PLXNA2: variants seen among roughly 807,000 people sequenced by gnomAD.
The protein encoded by PLXNA2 is plexin-A2.
Under a neutral mutation model 193.5 loss-of-function variants are expected in PLXNA2, and 91 were observed. That is an observed-to-expected ratio of 0.47 (90% CI 0.40 to 0.56). The LOEUF is 0.56. Among genes scored for constraint, PLXNA2 ranks in the 20% least tolerant of loss-of-function variants. The probability of loss-of-function intolerance (pLI) is 0.00; values close to 1 mark genes in which losing one functional copy is unlikely to be tolerated. For synonymous variants in PLXNA2, 997 were observed against 1,027.3 expected (o/e 0.97, Z 0.56); for missense variants, 1,995 against 2,503.2 (o/e 0.80, Z 4.33).
intron 4 of PLXNA2, among the ~76,000 whole-genome samples, chr1:208,127,476 C>T (rs576131845): frequency 1.3e-5 from 2 of 152,330 alleles, no homozygotes; most frequent in East Asian, 1.9e-4. Context: ...CTCCTTGTCA[C>T]CACTACAATT....
rs756656717 is a variant in PLXNA2, at chr1:208,045,029, G to T, written c.3639+38C>A. On this transcript the variant is annotated intron_variant, in intron 19 of 31. Transcript: ENST00000367033. ...AGGACAGATCACACATGCACCACGA[G>T]GCGGGAAGGAGGCATTACAGACGCA... The T allele has an allele frequency of 1.5e-5, 24 of 1,612,948 alleles. No individual in the cohort carries two copies. The South Asian group carries it at 2.4e-4, about 16-fold the overall frequency.
At chr1:208,150,617 G>A (rs1395199548) in intron 3 of PLXNA2, among the ~76,000 whole-genome samples, 5 of 152,110 alleles carry the variant, frequency 3.3e-5, no homozygotes, top group Admixed American at 1.3e-4. Flanking sequence ...GAGGATCTCC[G>A]GAGACCAGTT....
intron 3 of PLXNA2, among the ~76,000 whole-genome samples, chr1:208,189,493 C>T (rs1670108276): frequency 6.8e-6 from 1 of 146,716 alleles, no homozygotes; most frequent in South Asian, 2.2e-4. Flanking sequence ...CTTTGAGCTC[C>T]TGAGAAGAGA....
In PLXNA2 at chr1:208,028,099, G is replaced by A. The variant is rs756461059; in HGVS notation, c.5499C>T (p.Leu1833=). ...AISDQDMNAY[L]AEQSRLHAVE... ...CGGCGTGCAGGCGGGACTGCTCGGC[G>A]AGGTAGGCATTCATGTCCTGGTCAC... is the stretch of plus-strand genomic sequence containing the variant. Residue 1833 remains leucine (L), a synonymous_variant, in exon 31 of 32, where the codon CTC becomes CTT. Coordinates refer to ENST00000367033, the MANE Select transcript of PLXNA2 (RefSeq NM_025179.4). This position sits in a 1 kb window ranked among gnomAD's most constrained non-coding sequence, Gnocchi z 4.2. The A allele has an allele frequency of 8.7e-6, 14 of 1,613,524 alleles. No individual in the cohort carries two copies. The East Asian group carries it at 2.5e-4, about 28-fold the overall frequency.
At chr1:208,171,915 G>T (rs1571994807) in intron 3 of PLXNA2, among the ~76,000 whole-genome samples, 2 of 151,184 alleles carry the variant, frequency 1.3e-5, no homozygotes, top group South Asian at 4.2e-4. Context: ...TATGTGGTGA[G>T]AATTAATTTA....
intron 3 of PLXNA2, among the ~76,000 whole-genome samples, chr1:208,200,217 CT>C: frequency 6.6e-6 from 1 of 152,296 alleles, no homozygotes; most frequent in Non-Finnish European, 1.5e-5. Flanking sequence ...GCCTAGAAAC[CT>C]TTCTGGAGGC....
rs1671859961 is a variant in PLXNA2 at position 208,236,560 on chromosome 1, A to G, written c.-81+7083T>C. 6.6e-6 allele frequency among the ~76,000 whole-genome samples: 1 copy of G among 152,154 alleles called. No individual in the cohort carries two copies. Among genetic ancestry groups the G allele is most frequent in the African/African-American group, 2.4e-5 (1 of 41,450 alleles). ...GCTGCTCCCTCTAACCCCTGCTCAA[A>G]GGTAAAAAGACCTGCCCATAGTCAC... On this transcript the variant is annotated intron_variant, in intron 1 of 31. Transcript: ENST00000367033. This position sits in a 1 kb window ranked among gnomAD's most constrained non-coding sequence, Gnocchi z 4.4.
intron 1 of PLXNA2, among the ~76,000 whole-genome samples, chr1:208,242,708 G>T (rs1047646809): frequency 1.3e-5 from 2 of 152,176 alleles, no homozygotes; most frequent in East Asian, 1.9e-4. Flanking sequence ...AGTTTGAGTA[G>T]GTAGCTCCCA....
At chr1:208,090,437 A>C (rs1268784138) in intron 9 of PLXNA2, among the ~76,000 whole-genome samples, 1 of 152,154 alleles carries the variant, frequency 6.6e-6, no homozygotes, top group Non-Finnish European at 1.5e-5. Context: ...CTCTTGGCCC[A>C]GCTCCGGAAT....
At position 208,027,999 on chromosome 1, in the gene PLXNA2, CCT is replaced by C; in HGVS notation, c.5589+8_5589+9del. 4 of 1,557,572 alleles carry C rather than the reference CCT, an allele frequency of 2.6e-6. No homozygotes were observed. The highest frequency in any genetic ancestry group is 3.5e-6 in the Non-Finnish European group (4 of 1,149,038). Reference sequence around the variant, plus strand: ...TGTTGGTTTCTGTCCCTGCTGGGGCCCTGTCTCACCTCCTCACTATACTTGCT... The same window carrying C: ...TGTTGGTTTCTGTCCCTGCTGGGGCCGTCTCACCTCCTCACTATACTTGCT... On this transcript the variant is annotated splice_region_variant and intron_variant, in intron 31 of 31. Coordinates refer to ENST00000367033, the MANE Select transcript of PLXNA2 (RefSeq NM_025179.4).
intron 20 of PLXNA2, 110 bp from the exon 21 acceptor site, chr1:208,043,313 T>C: frequency 9.7e-7 from 1 of 1,036,246 alleles, no homozygotes; most frequent in Non-Finnish European, 1.4e-6. Context: ...GTAGAGACTC[T>C]GAGGATTACG....
At chr1:208,182,339 A>G (rs1263936800) in intron 3 of PLXNA2, among the ~76,000 whole-genome samples, 1 of 152,180 alleles carries the variant, frequency 6.6e-6, no homozygotes, top group Non-Finnish European at 1.5e-5. Context: ...AGGCTGAGGC[A>G]GGAGAATTGC....
chr1:208,201,593 G>A (rs901743943), intron 3 of PLXNA2, among the ~76,000 whole-genome samples: 1 of 152,168 alleles, frequency 6.6e-6, no homozygotes, highest in Admixed American at 6.5e-5. Flanking sequence ...ACCCCAGGGA[G>A]CCAGGGAAGA....
rs542399807 is a variant in PLXNA2, at chr1:208,028,660, G to A, written c.5438+170C>T. On this transcript the variant is annotated intron_variant, in intron 30 of 31. Transcript: ENST00000367033. This position sits in a 1 kb window ranked among gnomAD's most constrained non-coding sequence, Gnocchi z 4.2. ...AGGATGATAATCATCTGACTTCCAC[G>A]GGCACAAAGCCACCCTTCCTCCCGC... Among the ~76,000 whole-genome samples the A allele has an allele frequency of 2.6e-5, 4 of 152,290 alleles. No homozygotes were observed. Among genetic ancestry groups the A allele is most frequent in the South Asian group, 4.2e-4 (2 of 4,816 alleles).
At chr1:208,211,692 C>CAAA (rs10561845) in intron 2 of PLXNA2, among the ~76,000 whole-genome samples, 1 of 116,322 alleles carries the variant, frequency 8.6e-6, no homozygotes, top group Non-Finnish European at 1.8e-5. Context: ...GACTCCGTCT[C>CAAA]AAAAAAAAAA....
rs536794069 is a variant in PLXNA2 at position 208,096,363 on chromosome 1, C to T, written c.1886-238G>A. Among the ~76,000 whole-genome samples the T allele has an allele frequency of 1.8e-4, 27 of 152,216 alleles. No individual in the cohort carries two copies. The East Asian group carries it at 1.9e-3, about 11-fold the overall frequency. ...TGCAGGGAGGAAGAAGCAGATTCCA[C>T]GGAGCCCCTTGCCTTTGTCAGTCAT... On this transcript the variant is annotated intron_variant, in intron 7 of 31. Transcript: ENST00000367033.
At chr1:208,191,278 T>C (rs571510987) in intron 3 of PLXNA2, among the ~76,000 whole-genome samples, 25 of 152,296 alleles carry the variant, frequency 1.6e-4, no homozygotes, top group Admixed American at 1.4e-3. Context: ...TGCCTCAAAA[T>C]TGGGGCAGAG....
At chr1:208,176,013 T>C (rs1669652284) in intron 3 of PLXNA2, among the ~76,000 whole-genome samples, 1 of 152,210 alleles carries the variant, frequency 6.6e-6, no homozygotes, top group South Asian at 2.1e-4. Flanking sequence ...CGTACCCTCC[T>C]TCTCTCTCAT....
intron 3 of PLXNA2, among the ~76,000 whole-genome samples, chr1:208,191,795 A>G (rs1168394708): frequency 1.3e-5 from 2 of 152,222 alleles, no homozygotes; most frequent in Middle Eastern, 3.2e-3. Flanking sequence ...TATGAAGCAC[A>G]TGGGGGCTTC....
Sources: gnomAD v4.1 joint callset for allele counts (sites outside exome capture counted in the v4.1 genomes callset) on GRCh38, gnomAD v4.1.1 for gene constraint, Gnocchi (gnomAD v3.1) non-coding constraint, MANE v1.5 for transcripts, NCBI Gene and HGNC (gene_info 2026-07-23, HGNC 2026-07-21) for gene names.